Variants in MACROD2 observed in about 807,000 individuals in gnomAD.
MACROD2 encodes the protein ADP-ribose glycohydrolase MACROD2.
In MACROD2, 36 loss-of-function variants were observed where a neutral mutation model predicts 70.4. The ratio of observed to expected loss-of-function variants is 0.51; its 90% CI spans 0.39 to 0.68. The LOEUF is 0.68. MACROD2 is among the 30% of genes least tolerant of loss of function. The pLI, the probability that MACROD2 is intolerant of heterozygous loss-of-function variation, is 0.00. For missense variants in MACROD2, 496 were observed against 538.4 expected, an observed-to-expected ratio of 0.92 and a Z score of 0.78; for synonymous variants, 172 against 178.8, an observed-to-expected ratio of 0.96 and a Z score of 0.30.
chr20:14,305,427 A>G (rs2082511515), intron 3 of MACROD2, among the ~76,000 whole-genome samples: 1 of 152,168 alleles, frequency 6.6e-6, no homozygotes, highest in Non-Finnish European at 1.5e-5. Context: ...ATTAGAACCA[A>G]AAACACAAAA....
intron 8 of MACROD2, among the ~76,000 whole-genome samples, chr20:15,815,269 A>G (rs886158374): frequency 2.0e-5 from 3 of 152,214 alleles, no homozygotes; most frequent in East Asian, 3.8e-4. Context: ...TAAAATGCAC[A>G]TAACTTATTT....
intron 5 of MACROD2, among the ~76,000 whole-genome samples, chr20:14,723,020 G>A (rs2071488276): frequency 6.6e-6 from 1 of 152,142 alleles, no homozygotes; most frequent in Non-Finnish European, 1.5e-5. Flanking sequence ...CCACCTTGCA[G>A]GTTAAATCTG....
intron 4 of MACROD2, among the ~76,000 whole-genome samples, chr20:14,607,548 G>A (rs942823130): frequency 2.0e-5 from 3 of 152,156 alleles, no homozygotes; most frequent in African/African-American, 7.2e-5. Context: ...AGCACCTGCA[G>A]CCTCCTCCTC....
At position 15,317,956 on chromosome 20, in the gene MACROD2, G is replaced by A. The variant is rs914056418; in HGVS notation, c.540+87895G>A. 9.2e-5 allele frequency among the ~76,000 whole-genome samples: 14 copies of A among 152,086 alleles called. No homozygotes were observed. In the East Asian group the frequency reaches 2.5e-3, roughly 27 times the overall value. ...CCAGTCAAGCTGATACATAAAATTA[G>A]CCATCAGAGATATAGTTAATAAAAC... On this transcript the variant is annotated intron_variant, in intron 6 of 17. Coordinates refer to ENST00000684519, the MANE Select transcript of MACROD2 (RefSeq NM_001351661.2).
At chr20:15,707,753 C>G (rs1343074748) in intron 8 of MACROD2, among the ~76,000 whole-genome samples, 1 of 151,902 alleles carries the variant, frequency 6.6e-6, no homozygotes, top group African/African-American at 2.4e-5. Flanking sequence ...CCACTGCACT[C>G]CAGCCTGGGC....
chr20:15,021,306 A>G (rs2075181241), intron 5 of MACROD2, among the ~76,000 whole-genome samples: 2 of 103,144 alleles, frequency 1.9e-5, no homozygotes, highest in African/African-American at 3.7e-5. Context: ...ATATGCACAT[A>G]TACATATACA....
chr20:15,674,478 A>G (rs2146843578), intron 8 of MACROD2, among the ~76,000 whole-genome samples: 1 of 152,152 alleles, frequency 6.6e-6, no homozygotes, highest in African/African-American at 2.4e-5. Flanking sequence ...TTATCATTAC[A>G]TTTAGAAGCC....
intron 10 of MACROD2, among the ~76,000 whole-genome samples, chr20:15,897,522 C>T (rs2064991731): frequency 6.6e-6 from 1 of 152,046 alleles, no homozygotes. Context: ...TTCTTTCTTT[C>T]TCTGTTCTTC....
rs551074664 is a variant in MACROD2, at chr20:14,140,915, A to G, written c.271+55187A>G. Among the ~76,000 whole-genome samples, 3 of 152,296 alleles carry G rather than the reference A, an allele frequency of 2.0e-5. No individual in the cohort carries two copies. The East Asian group carries it at 5.8e-4, about 29-fold the overall frequency. Reference sequence around the variant, plus strand: ...GAAAAACAAAGTTGAAATTTACCACATTTTGGCATTACACTTGGCAGTTAC... The same window carrying G: ...GAAAAACAAAGTTGAAATTTACCACGTTTTGGCATTACACTTGGCAGTTAC... On this transcript the variant is annotated intron_variant, in intron 3 of 17. Transcript: ENST00000684519.
At chr20:15,088,438 TA>T (rs2075768332) in intron 5 of MACROD2, among the ~76,000 whole-genome samples, 1 of 93,906 alleles carries the variant, frequency 1.1e-5, no homozygotes, top group African/African-American at 4.5e-5. Flanking sequence ...TATATATATA[TA>T]TATATATATA....
chr20:15,824,971 C>G (rs2147108371), intron 8 of MACROD2, among the ~76,000 whole-genome samples: 1 of 152,108 alleles, frequency 6.6e-6, no homozygotes, highest in South Asian at 2.1e-4. Context: ...TTTACTTATT[C>G]TAAGAAAATA....
At chr20:15,941,385 A>G (rs1237053865) in intron 12 of MACROD2, among the ~76,000 whole-genome samples, 1 of 152,176 alleles carries the variant, frequency 6.6e-6, no homozygotes, top group Non-Finnish European at 1.5e-5. Flanking sequence ...AATAGCATGT[A>G]TAGAAAACCA....
intron 8 of MACROD2, among the ~76,000 whole-genome samples, chr20:15,736,403 C>A (rs2051021259): frequency 6.6e-6 from 1 of 152,116 alleles, no homozygotes; most frequent in African/African-American, 2.4e-5. Flanking sequence ...ATGAAGTTGG[C>A]AACACTTGAA....
rs1230863391 is a variant in MACROD2 at position 14,938,940 on chromosome 20, A to ATTTTTTTTTTTTTTTTTTTTTTT, written c.418+254003_418+254004insTTTTTTTTTTTTTTTTTTTTTTT. 4.3e-4 allele frequency among the ~76,000 whole-genome samples: 37 copies of ATTTTTTTTTTTTTTTTTTTTTTT among 86,438 alleles called. 1 individual carries two copies. Among genetic ancestry groups the ATTTTTTTTTTTTTTTTTTTTTTT allele is most frequent in the South Asian group, 7.5e-4 (2 of 2,680 alleles). 56.7% of individuals were successfully genotyped at this position (86,438 alleles called of 152,430 possible). A position where few individuals can be genotyped will look rare whatever the true frequency, so the allele number is the denominator to read the frequency against. ...GATATTTTTTTCATTGTTAAATCAG[A>ATTTTTTTTTTTTTTTTTTTTTTT]TTTTTTTTTTTTTTTTTTTTTTACT... On this transcript the variant is annotated intron_variant, in intron 5 of 17. Transcript: ENST00000684519.
At chr20:14,165,139 G>A (rs1023023918) in intron 3 of MACROD2, among the ~76,000 whole-genome samples, 2 of 152,116 alleles carry the variant, frequency 1.3e-5, no homozygotes, top group Admixed American at 6.5e-5. Context: ...AAATGGTGCT[G>A]TGCCATGCCT....
chr20:14,621,764 A>T (rs970297118), intron 4 of MACROD2: 2 of 152,184 alleles, frequency 1.3e-5, no homozygotes, highest in African/African-American at 4.8e-5. Context: ...TTTGTTTTGT[A>T]GATTCTCCGT....
At chr20:15,533,554 T>G (rs1328803049) in intron 8 of MACROD2, among the ~76,000 whole-genome samples, 1 of 98,088 alleles carries the variant, frequency 1.0e-5, no homozygotes, top group African/African-American at 3.9e-5. Context: ...GCTCTCTCTC[T>G]CTCTCTCTCT....
In MACROD2 at chr20:14,917,276, T is replaced by C. The variant is rs1475855156; in HGVS notation, c.418+232317T>C. On this transcript the variant is annotated intron_variant, in intron 5 of 17. Transcript: ENST00000684519. Reference sequence around the variant, plus strand: ...GTGACATCGGGTCTCTATTCTTCCATGTATTTAAGCTCAAAATGTTTCCTT... The same window carrying C: ...GTGACATCGGGTCTCTATTCTTCCACGTATTTAAGCTCAAAATGTTTCCTT... Among the ~76,000 whole-genome samples the C allele has an allele frequency of 2.0e-5, 3 of 151,620 alleles. No homozygotes were observed. The East Asian group carries it at 5.8e-4, about 29-fold the overall frequency.
At position 14,160,446 on chromosome 20, in the gene MACROD2, A is replaced by G. The variant is rs186565099; in HGVS notation, c.271+74718A>G. 1.1e-3 allele frequency among the ~76,000 whole-genome samples: 163 copies of G among 152,224 alleles called. 1 individual carries two copies. The highest frequency in any genetic ancestry group is 2.1e-3 in the Non-Finnish European group (142 of 67,986). On this transcript the variant is annotated intron_variant, in intron 3 of 17. Coordinates refer to ENST00000684519, the MANE Select transcript of MACROD2 (RefSeq NM_001351661.2). The stretch of plus-strand genomic sequence containing the variant: ...TTTCTGTTTCTTCCTCATTCAATCC[A>G]GGTAGGTTGTATGTACCAGAAATTT...
Sources: allele counts gnomAD v4.1 joint callset (sites outside exome capture counted in the v4.1 genomes callset), GRCh38; gene constraint gnomAD v4.1.1; transcripts MANE v1.5; gene names NCBI Gene and HGNC (gene_info 2026-07-23, HGNC 2026-07-21).